The following KANK3 variants were observed in gnomAD, a reference collection of about 807,000 sequenced individuals.
The protein encoded by KANK3 is KN motif and ankyrin repeat domains 3, also known as KN motif and ankyrin repeat domain-containing protein 3.
KANK3 carries 61 observed loss-of-function variants against 65.4 expected under a neutral mutation model. That is an observed-to-expected ratio of 0.93 (90% CI 0.76 to 1.15). KANK3 has a LOEUF of 1.15. Among genes scored for constraint, KANK3 ranks in the 50% most tolerant of loss-of-function variants. The pLI is 0.00. For missense variants in KANK3, 1,187 were observed against 1,178.8 expected, an observed-to-expected ratio of 1.01 and a Z score of -0.10; for synonymous variants, 586 against 543.3, an observed-to-expected ratio of 1.08 and a Z score of -1.09.
intron 10 of KANK3, chr19:8,323,356 T>G (rs1970359327): frequency 6.4e-6 from 1 of 155,326 alleles, no homozygotes; most frequent in Non-Finnish European, 1.5e-5. Flanking sequence ...TGCTGAAGTG[T>G]GGTTTTTACT....
intron 8 of KANK3, 37 bp downstream of exon 8, chr19:8,324,914 C>A: frequency 6.2e-7 from 1 of 1,607,446 alleles, no homozygotes; most frequent in Non-Finnish European, 8.5e-7. Flanking sequence ...GTGGAAGTGA[C>A]TCCTGGCTGA....
Position 8,334,398 on chromosome 19 carries a change from T to C in KANK3, c.1349A>G (p.Lys450Arg). The C allele has an allele frequency of 6.2e-7, 1 of 1,614,060 alleles. No individual in the cohort carries two copies. The highest frequency in any genetic ancestry group is 8.5e-7 in the Non-Finnish European group (1 of 1,180,014). ...GGCACCAGGTGTGCCGTCTCTCTTC[T>C]TCATGATGGATTTGAGGATGCCTGG... is the stretch of plus-strand genomic sequence containing the variant. ...APAGILKSIM[K>R]KRDGTPGAQP... The change falls in exon 4 of 11, where the codon AAG (lysine) becomes AGG (arginine). Residue 450 changes from lysine (K) to arginine (R), a missense_variant. Around this residue, in one of 3 missense-constraint regions of KANK3, gnomAD observed 1,078 missense variants for 1,038.2 expected, o/e 1.04. Transcript: ENST00000330915.
chr19:8,333,605 G>A lies in KANK3; in HGVS notation c.1719+119C>T. On this transcript the variant is annotated intron_variant, in intron 6 of 10. Transcript: ENST00000330915. This position sits in a 1 kb window ranked among gnomAD's most constrained non-coding sequence, Gnocchi z 5.0. ...GAAGGAGATCCCTTCGGAGAGCCTG[G>A]GGTCAGGCGAGGTGCCTGGCGGGAA... 1 of 784,430 alleles carries A rather than the reference G, an allele frequency of 1.3e-6. No homozygotes were observed. Among genetic ancestry groups the A allele is most frequent in the Non-Finnish European group, 1.9e-6 (1 of 519,854 alleles). The allele number at this position is 784,430 out of a possible 1,614,324, so 48.6% of individuals were successfully genotyped here.
chr19:8,326,553 T>A (rs1445498019), intron 7 of KANK3, among the ~76,000 whole-genome samples: 1 of 143,642 alleles, frequency 7.0e-6, no homozygotes, highest in Non-Finnish European at 1.5e-5. Context: ...TTTGGGAGGC[T>A]GAGGCGGGCG....
chr19:8,343,067 G>C (rs1970741088), intron 1 of KANK3, among the ~76,000 whole-genome samples, 158 bp downstream of exon 1: 1 of 152,184 alleles, frequency 6.6e-6, no homozygotes, highest in African/African-American at 2.4e-5. Flanking sequence ...CTTCCAATGT[G>C]GGAGGGGTCC....
chr19:8,343,033 A>G (rs997757640), intron 1 of KANK3, among the ~76,000 whole-genome samples, 192 bp downstream of exon 1: 1 of 151,536 alleles, frequency 6.6e-6, no homozygotes, highest in Non-Finnish European at 1.5e-5. Context: ...AGAGCCCCCC[A>G]CTCTGCTCGC....
Position 8,333,793 on chromosome 19 carries a change from C to G in KANK3, c.1650G>C (p.Pro550=). The change falls in exon 6 of 11, where the codon CCG becomes CCC. Residue 550 remains proline, a synonymous_variant. Coordinates refer to ENST00000330915, the MANE Select transcript of KANK3 (RefSeq NM_198471.3). The surrounding 1 kb of genome is among the most constrained non-coding windows in gnomAD (Gnocchi z 5.0). The part of the protein sequence containing the change: ...QVAQGRCELS[P]RLREACVALQ... ...GCGCTACGCACGCCTCCCTCAGACG[C>G]GGGCTCAGCTCGCACCTGCAGAGGA... The G allele has an allele frequency of 1.3e-6, 2 of 1,527,742 alleles. No individual in the cohort carries two copies. Among genetic ancestry groups the G allele is most frequent in the South Asian group, 1.2e-5 (1 of 82,874 alleles). 94.6% of individuals were successfully genotyped at this position (1,527,742 alleles called of 1,614,324 possible). A position where few individuals can be genotyped will look rare whatever the true frequency, so the allele number is the denominator to read the frequency against.
rs1469820578 is a variant in KANK3 at position 8,333,287 on chromosome 19, G to T, written c.1720-57C>A. The T allele has an allele frequency of 5.0e-6, 7 of 1,407,190 alleles. No homozygotes were observed. Among genetic ancestry groups the T allele is most frequent in the South Asian group, 1.3e-5 (1 of 79,794 alleles). The allele number at this position is 1,407,190 out of a possible 1,614,324, so 87.2% of individuals were successfully genotyped here. On this transcript the variant is annotated intron_variant, in intron 6 of 10. Transcript: ENST00000330915. This position sits in a 1 kb window ranked among gnomAD's most constrained non-coding sequence, Gnocchi z 5.0. ...CGATGGTCCACGGCGGCGCCGTGGT[G>T]GGGGAGCTGGGGAGGGGCGGGACTG...
intron 7 of KANK3, 111 bp downstream of exon 7, chr19:8,332,903 C>T (rs965179419): frequency 6.6e-5 from 50 of 759,736 alleles, no homozygotes; most frequent in Non-Finnish European, 9.9e-5. Context: ...GTGCCCTGTG[C>T]TGGACAGCCA....
rs2913946 is a variant in KANK3 at position 8,325,396 on chromosome 19, C to T, written c.1937-300G>A. ...CTCAGCTCACTGCAATCTCCACCTCCGGAGTAGCTGGAACTACAGCATGTG... is the reference window on the plus strand; with the variant it reads ...CTCAGCTCACTGCAATCTCCACCTCTGGAGTAGCTGGAACTACAGCATGTG... On this transcript the variant is annotated intron_variant, in intron 7 of 10. Coordinates refer to ENST00000330915, the MANE Select transcript of KANK3 (RefSeq NM_198471.3). Among the ~76,000 whole-genome samples, 22,329 of 147,410 alleles carry T rather than the reference C, an allele frequency of 0.15. 2,021 individuals carry two copies. Among genetic ancestry groups the T allele is most frequent in the Non-Finnish European group, 0.21 (14,115 of 67,218 alleles).
Position 8,333,090 on chromosome 19 carries a change from A to C in KANK3, c.1860T>G (p.Asp620Glu). The stretch of plus-strand genomic sequence containing the variant: ...AGTGCAGGGCCGTGTTCCCGTTGCC[A>C]TCCGCCAGGTTCACCACGTGCGCCA... The part of the protein sequence containing the change: ...ELLAHVVNLA[D>E]GNGNTALHYS... The change falls in exon 7 of 11, where the codon GAT becomes GAG. Residue 620 changes from aspartate (D) to glutamate (E), a missense_variant. Physicochemically the swap from Asp to Glu is conservative, Grantham distance 45. This residue lies in a region of KANK3 where 1,078 missense variants were observed against 1,038.2 expected (regional missense o/e 1.04). Transcript: ENST00000330915. This position sits in a 1 kb window ranked among gnomAD's most constrained non-coding sequence, Gnocchi z 5.0. 1 of 1,598,684 alleles carries C rather than the reference A, an allele frequency of 6.3e-7. No homozygotes were observed. Among genetic ancestry groups the C allele is most frequent in the Non-Finnish European group, 8.5e-7 (1 of 1,173,220 alleles).
At chr19:8,328,093 C>T (rs1970459287) in intron 7 of KANK3, among the ~76,000 whole-genome samples, 1 of 152,110 alleles carries the variant, frequency 6.6e-6, no homozygotes, top group Non-Finnish European at 1.5e-5. Flanking sequence ...GCCTGGACAA[C>T]AGAGCGAGAC....
In KANK3 at chr19:8,334,011, G is replaced by A. The variant is rs1238474181; in HGVS notation, c.1533C>T (p.Gly511=). 6.4e-7 allele frequency: 1 copy of A among 1,560,380 alleles called. No homozygotes were observed. Among genetic ancestry groups the A allele is most frequent in the Non-Finnish European group, 8.6e-7 (1 of 1,159,538 alleles). ...CAGGGGTGCCCGAGTCGGATCCCCC[G>A]CCGCTGTCATCCCCGGAGCCCGAGG... The part of the protein sequence containing the change: ...GSSSGSGDDS[G]GGSDSGTPGP... Residue 511 remains glycine, a synonymous_variant, in exon 5 of 11, where the codon GGC becomes GGT. Transcript: ENST00000330915.
chr19:8,324,417 G>A (rs1970381054), intron 10 of KANK3, 32 bp downstream of exon 10: 1 of 1,548,774 alleles, frequency 6.5e-7, no homozygotes, highest in Non-Finnish European at 8.8e-7. Flanking sequence ...TTTGCAGCTG[G>A]GAAAGTTTGT....
At position 8,324,703 on chromosome 19, in the gene KANK3, C is replaced by T; in HGVS notation, c.2210G>A (p.Ser737Asn). Residue 737 changes from serine to asparagine, a missense_variant, in exon 9 of 11, where the codon AGT becomes AAT. Ser to Asn is a conservative substitution (Grantham distance 46, BLOSUM62 1). Coordinates refer to ENST00000330915, the MANE Select transcript of KANK3 (RefSeq NM_198471.3). ...CACGGTGTCCAGGCGCCCATACTCA[C>T]TGGCACACATCAGCGCTGTGGCCCC... is the stretch of plus-strand genomic sequence containing the variant. Reference protein sequence around the residue: ...ADGATALMCASEYGRLDTVRL... With the variant: ...ADGATALMCANEYGRLDTVRL... 9.3e-6 allele frequency: 15 copies of T among 1,614,074 alleles called. No homozygotes were observed. The highest frequency in any genetic ancestry group is 1.2e-5 in the Non-Finnish European group (14 of 1,180,038).
chr19:8,331,760 T>A (rs1210751369), intron 7 of KANK3, among the ~76,000 whole-genome samples: 1 of 151,994 alleles, frequency 6.6e-6, no homozygotes, highest in Non-Finnish European at 1.5e-5. Flanking sequence ...CAGCTGGAGA[T>A]TCAGGGACAG....
chr19:8,340,291 T>TATATATACACAC (rs1472181365), intron 1 of KANK3, among the ~76,000 whole-genome samples: 1 of 92,870 alleles, frequency 1.1e-5, no homozygotes, highest in African/African-American at 4.4e-5. Context: ...TATATATATA[T>TATATATACACAC]ACACACACAC....
chr19:8,329,492 C>CAAAAA (rs59607185), intron 7 of KANK3, among the ~76,000 whole-genome samples: 2,773 of 51,108 alleles, frequency 0.054, 399 homozygotes, highest in Non-Finnish European at 0.077. Flanking sequence ...GACTCGGCCT[C>CAAAAA]AAAAAAAAAA....
At chr19:8,334,231 A>G (rs1238980932) in intron 4 of KANK3, 89 bp downstream of exon 4, 7 of 1,562,968 alleles carry the variant, frequency 4.5e-6, no homozygotes, top group Non-Finnish European at 6.1e-6. Flanking sequence ...GATTGCCCAG[A>G]CCACGCTGCC....
Sources: gnomAD v4.1 joint callset for allele counts (sites outside exome capture counted in the v4.1 genomes callset) on GRCh38, gnomAD v4.1.1 for gene constraint, gnomAD v4.1.1 regional missense constraint, Gnocchi (gnomAD v3.1) non-coding constraint, MANE v1.5 for transcripts, NCBI Gene and HGNC (gene_info 2026-07-23, HGNC 2026-07-21) for gene names.